RNF125: variants seen among roughly 807,000 people sequenced by gnomAD.
RNF125 encodes E3 ubiquitin-protein ligase RNF125.
Under a neutral mutation model 26.0 loss-of-function variants are expected in RNF125, and 21 were observed. That is an observed-to-expected ratio of 0.81 (90% CI 0.57 to 1.16). The LOEUF is 1.16. Among genes scored for constraint, RNF125 ranks in the 50% most tolerant of loss-of-function variants. The pLI, the probability that RNF125 is intolerant of heterozygous loss-of-function variation, is 0.00. For missense variants in RNF125, 270 were observed against 299.4 expected (o/e 0.90, Z 0.72); for synonymous variants, 95 against 109.2 (o/e 0.87, Z 0.81).
intron 1 of RNF125, among the ~76,000 whole-genome samples, chr18:32,029,619 C>CAA (rs11369600): frequency 0.046 from 6,807 of 146,886 alleles, 491 homozygotes; most frequent in African/African-American, 0.15. Flanking sequence ...GACCCTGCCT[C>CAA]AAAAAAAAAA....
chr18:32,027,499 T>C (rs1432983817), intron 1 of RNF125, among the ~76,000 whole-genome samples: 1 of 152,184 alleles, frequency 6.6e-6, no homozygotes, highest in Non-Finnish European at 1.5e-5. Flanking sequence ...TTTATATGTT[T>C]TTCTCTGTTG....
intron 3 of RNF125, 119 bp from the exon 4 acceptor site, chr18:32,045,523 T>C (rs1293248215): frequency 1.9e-6 from 1 of 527,022 alleles, no homozygotes; most frequent in Non-Finnish European, 3.3e-6. Flanking sequence ...ATCATGCCAC[T>C]GCACTCCAGC....
chr18:32,080,849 C>T, the RNF125 span, among the ~76,000 whole-genome samples: 58 of 152,120 alleles, frequency 3.8e-4, no homozygotes, highest in Non-Finnish European at 5.7e-4. Flanking sequence ...GCACTCTAGC[C>T]TGGGGGACTG....
At chr18:32,028,436 T>A (rs186377060) in intron 1 of RNF125, among the ~76,000 whole-genome samples, 22 of 152,094 alleles carry the variant, frequency 1.4e-4, no homozygotes, top group Admixed American at 1.3e-3. Flanking sequence ...TGCCTATTTA[T>A]TTCACCAATG....
intron 2 of RNF125, among the ~76,000 whole-genome samples, chr18:32,040,568 C>T (rs1043499954): frequency 1.3e-5 from 2 of 152,148 alleles, no homozygotes; most frequent in African/African-American, 4.8e-5. Context: ...CCACGCCCAG[C>T]CCCTATATCA....
At chr18:32,037,297 T>C in intron 2 of RNF125, 28 bp downstream of exon 2, 1 of 1,460,852 alleles carries the variant, frequency 6.8e-7, no homozygotes, top group Non-Finnish European at 9.1e-7. Context: ...CCTATTTTCA[T>C]GGTTACCAGC....
chr18:32,028,666 C>T (rs1006082901), intron 1 of RNF125, among the ~76,000 whole-genome samples: 4 of 150,458 alleles, frequency 2.7e-5, no homozygotes, highest in African/African-American at 9.8e-5. Flanking sequence ...CTCACTGTAA[C>T]CTCTACCTCC....
chr18:32,089,460 C>T, the RNF125 span, among the ~76,000 whole-genome samples: 2 of 152,174 alleles, frequency 1.3e-5, no homozygotes, highest in Non-Finnish European at 1.5e-5. Flanking sequence ...TTTACCAAAT[C>T]GGTCTACATC....
chr18:32,035,375 T>C (rs1001503668), intron 1 of RNF125, among the ~76,000 whole-genome samples: 39 of 151,242 alleles, frequency 2.6e-4, no homozygotes, highest in Non-Finnish European at 1.5e-5. Flanking sequence ...AAGAAAAAAA[T>C]AAAGAGGAAA....
At chr18:32,083,425 A>G in the RNF125 span, among the ~76,000 whole-genome samples, 1 of 152,194 alleles carries the variant, frequency 6.6e-6, no homozygotes, top group African/African-American at 2.4e-5. Context: ...GAATTATTGA[A>G]CTTCATGTAT....
intron 3 of RNF125, among the ~76,000 whole-genome samples, chr18:32,045,274 T>C (rs548067908): frequency 6.4e-4 from 98 of 152,064 alleles, no homozygotes; most frequent in Non-Finnish European, 1.1e-3. Flanking sequence ...AATTCAGATA[T>C]GTGACCAGGT....
rs191027259 is a variant in RNF125 at position 32,039,904 on chromosome 18, C to T, written c.319-2275C>T. 9.0e-3 allele frequency among the ~76,000 whole-genome samples: 1,366 copies of T among 151,848 alleles called. 15 individuals are homozygous for T. The highest frequency in any genetic ancestry group is 0.041 in the Middle Eastern group (12 of 294). The stretch of plus-strand genomic sequence containing the variant: ...AAGAGATTCTCGTGCCTCAGCCTCC[C>T]GAGTAGCTGGGACTACAGGCATGCA... On this transcript the variant is annotated intron_variant, in intron 2 of 5. Coordinates refer to ENST00000217740, the MANE Select transcript of RNF125 (RefSeq NM_017831.4).
At chr18:32,082,628 A>G in the RNF125 span, among the ~76,000 whole-genome samples, 6 of 152,176 alleles carry the variant, frequency 3.9e-5, no homozygotes, top group Admixed American at 3.3e-4. Context: ...CGGAAACTCT[A>G]TGTGTGTAGG....
chr18:32,040,284 T>TC (rs2039204113), intron 2 of RNF125, among the ~76,000 whole-genome samples: 1 of 147,686 alleles, frequency 6.8e-6, no homozygotes, highest in African/African-American at 2.5e-5. Context: ...TTTTTTTTTT[T>TC]TTTTTGAGAC....
intron 4 of RNF125, among the ~76,000 whole-genome samples, chr18:32,062,461 T>G (rs1287668039): frequency 6.6e-6 from 1 of 152,168 alleles, no homozygotes; most frequent in Non-Finnish European, 1.5e-5. Flanking sequence ...ATTAGGAAAT[T>G]GTAAATGATT....
At chr18:32,048,383 GCCATTGCACT>G (rs1328833587) in intron 4 of RNF125, among the ~76,000 whole-genome samples, 1 of 151,132 alleles carries the variant, frequency 6.6e-6, no homozygotes, top group Non-Finnish European at 1.5e-5. Context: ...CTGAGATCAC[GCCATTGCACT>G]CCAGCATGGG....
chr18:32,040,965 A>G lies in RNF125; in HGVS notation c.319-1214A>G, dbSNP rs184036296. 1.7e-3 allele frequency among the ~76,000 whole-genome samples: 254 copies of G among 152,258 alleles called. 5 individuals are homozygous for G. The highest frequency in any genetic ancestry group is 5.8e-3 in the African/African-American group (240 of 41,564). ...TTTGTAAAGCCAGGGTTTTGTTCTT[A>G]CTTTTCACTTGCTTTTATTTTTGCC... On this transcript the variant is annotated intron_variant, in intron 2 of 5. Transcript: ENST00000217740.
chr18:32,077,534 G>A (rs904937645), downstream of RNF125, among the ~76,000 whole-genome samples: 1 of 151,234 alleles, frequency 6.6e-6, no homozygotes, highest in African/African-American at 2.4e-5. Context: ...GCTAATTTTT[G>A]TATTTTAGCA....
chr18:32,019,497 G>T (rs918954632), intron 1 of RNF125, among the ~76,000 whole-genome samples: 1 of 152,200 alleles, frequency 6.6e-6, no homozygotes, highest in Non-Finnish European at 1.5e-5. Context: ...ACCCGGGTCC[G>T]TTTTGTTTTG....
Sources: gnomAD v4.1 joint callset for allele counts (sites outside exome capture counted in the v4.1 genomes callset) on GRCh38, gnomAD v4.1.1 for gene constraint, MANE v1.5 for transcripts, NCBI Gene and HGNC (gene_info 2026-07-23, HGNC 2026-07-21) for gene names.